ZNF678: variants seen among roughly 807,000 people sequenced by gnomAD.
The protein encoded by ZNF678 is hypothetical protein MGC42493.
In ZNF678, 5 loss-of-function variants were observed where a neutral mutation model predicts 3.0. The ratio of observed to expected loss-of-function variants is 1.69; its 90% CI spans 0.88 to 3.56. The LOEUF (loss-of-function observed/expected upper bound fraction) is 3.56. ZNF678 is among the 30% of genes most tolerant of loss of function. The pLI is 0.00. For missense variants in ZNF678, 593 were observed against 605.0 expected (o/e 0.98, Z 0.21); for synonymous variants, 218 against 199.6 (o/e 1.09, Z -0.78).
In ZNF678 at chr1:227,660,365, A is replaced by T. The variant is rs906168170; in HGVS notation, c.*4537A>T. 1 of 151,724 alleles carries T rather than the reference A, an allele frequency of 6.6e-6. No individual in the cohort carries two copies. The highest frequency in any genetic ancestry group is 1.5e-5 in the Non-Finnish European group (1 of 67,920). 9.4% of individuals were successfully genotyped at this position (151,724 alleles called of 1,614,324 possible). On this transcript the variant is annotated 3_prime_UTR_variant, in exon 4 of 4. Coordinates refer to ENST00000343776, the MANE Select transcript of ZNF678 (RefSeq NM_001367909.1). ...TTAGCAATATTAATTTGGCCAATTT[A>T]TGAATAAGGGATAACTTTTCATTTA...
chr1:227,576,946 T>C (rs1312332444), intron 1 of ZNF678, among the ~76,000 whole-genome samples: 1 of 152,208 alleles, frequency 6.6e-6, no homozygotes, highest in African/African-American at 2.4e-5. Flanking sequence ...TTATTCTCAT[T>C]AGTTTCAAAG....
chr1:227,643,519 G>A (rs575173303), intron 1 of ZNF678, among the ~76,000 whole-genome samples: 3 of 152,042 alleles, frequency 2.0e-5, no homozygotes, highest in Admixed American at 6.6e-5. Context: ...TTCCCCTCAC[G>A]CAACTGATTA....
At chr1:227,595,818 C>G (rs1657570117) in intron 1 of ZNF678, among the ~76,000 whole-genome samples, 2 of 152,170 alleles carry the variant, frequency 1.3e-5, no homozygotes, top group African/African-American at 2.4e-5. Flanking sequence ...TACAGGCACA[C>G]CGTGGGTGAT....
intron 5 of ZNF678, among the ~76,000 whole-genome samples, chr1:227,667,620 TAAAG>T (rs1164105311): frequency 4.6e-5 from 7 of 152,326 alleles, no homozygotes; most frequent in African/African-American, 7.2e-5. Flanking sequence ...CATAATTAGA[TAAAG>T]AAAGTAAGCA....
downstream of ZNF678, among the ~76,000 whole-genome samples, chr1:227,666,281 C>T (rs1434437081): frequency 6.6e-6 from 1 of 151,950 alleles, no homozygotes; most frequent in African/African-American, 2.4e-5. Flanking sequence ...AAAAGGGAGC[C>T]CAAACAGGTA....
chr1:227,655,909 T>G lies in ZNF678; in HGVS notation c.*81T>G. On this transcript the variant is annotated 3_prime_UTR_variant, in exon 4 of 4. Transcript: ENST00000343776. ...AGCATAATGACTGTTTAAGGATGTT[T>G]CACAAAATGTAAGCTTCAGAGTGCA... 7.6e-7 allele frequency: 1 copy of G among 1,311,770 alleles called. No individual in the cohort carries two copies. The highest frequency in any genetic ancestry group is 1.5e-5 in the South Asian group (1 of 65,816). The allele number at this position is 1,311,770 out of a possible 1,614,324, so 81.3% of individuals were successfully genotyped here.
intron 1 of ZNF678, among the ~76,000 whole-genome samples, chr1:227,571,936 G>T (rs1656854863): frequency 6.6e-6 from 1 of 152,206 alleles, no homozygotes; most frequent in Non-Finnish European, 1.5e-5. Context: ...CAGCTACTCA[G>T]GAGGCTGAGG....
chr1:227,674,547 TAA>T (rs1659649936), intron 5 of ZNF678, among the ~76,000 whole-genome samples: 1 of 144,352 alleles, frequency 6.9e-6, no homozygotes, highest in South Asian at 2.2e-4. Flanking sequence ...GTAAATTATT[TAA>T]GTTTATTTGG....
At chr1:227,577,650 C>T (rs947691785) in intron 1 of ZNF678, among the ~76,000 whole-genome samples, 4 of 152,118 alleles carry the variant, frequency 2.6e-5, no homozygotes, top group Admixed American at 2.6e-4. Context: ...AGATGGGTCT[C>T]TTGAAGACAG....
downstream of ZNF678, among the ~76,000 whole-genome samples, chr1:227,678,310 C>T (rs1659717024): frequency 6.6e-6 from 1 of 152,182 alleles, no homozygotes; most frequent in Admixed American, 6.5e-5. Flanking sequence ...AGGGACTACA[C>T]TGTATGTTGG....
intron 1 of ZNF678, among the ~76,000 whole-genome samples, chr1:227,600,493 G>T (rs1261559542): frequency 6.6e-6 from 1 of 152,156 alleles, no homozygotes; most frequent in African/African-American, 2.4e-5. Flanking sequence ...ATTCCAACTG[G>T]TGTGAGATGA....
At chr1:227,582,217 T>A (rs1657148293) in intron 1 of ZNF678, among the ~76,000 whole-genome samples, 1 of 152,140 alleles carries the variant, frequency 6.6e-6, no homozygotes, top group African/African-American at 2.4e-5. Context: ...TCTAGTTTTT[T>A]ATTTTCTTAA....
At chr1:227,611,769 CAGTT>C (rs1658025846) in intron 1 of ZNF678, among the ~76,000 whole-genome samples, 1 of 152,164 alleles carries the variant, frequency 6.6e-6, no homozygotes, top group African/African-American at 2.4e-5. Flanking sequence ...TCTCAAGACA[CAGTT>C]GGTTGCAGTT....
At chr1:227,671,804 TA>T (rs1194099084) in intron 5 of ZNF678, among the ~76,000 whole-genome samples, 1 of 152,218 alleles carries the variant, frequency 6.6e-6, no homozygotes, top group African/African-American at 2.4e-5. Flanking sequence ...TATGCCTCCA[TA>T]AAGGTGAATT....
intron 1 of ZNF678, among the ~76,000 whole-genome samples, chr1:227,644,029 A>C (rs1340522560): frequency 6.6e-6 from 1 of 151,738 alleles, no homozygotes; most frequent in Non-Finnish European, 1.5e-5. Flanking sequence ...ACGCCCAGCT[A>C]ATTTTTTGTA....
chr1:227,640,789 G>C lies in ZNF678; in HGVS notation c.-163-5755G>C, dbSNP rs192936768. On this transcript the variant is annotated intron_variant, in intron 1 of 3. Coordinates refer to ENST00000343776, the MANE Select transcript of ZNF678 (RefSeq NM_001367909.1). Reference sequence around the variant, plus strand: ...AGCCTAGAGGGCTGTTTTTTGGAATGGAGGACCGGGAGTTTCCCATAACGG... The same window carrying C: ...AGCCTAGAGGGCTGTTTTTTGGAATCGAGGACCGGGAGTTTCCCATAACGG... Among the ~76,000 whole-genome samples, 615 of 152,206 alleles carry C rather than the reference G, an allele frequency of 4.0e-3. 5 individuals are homozygous for C. Among genetic ancestry groups the C allele is most frequent in the African/African-American group, 0.014 (567 of 41,528 alleles).
At chr1:227,626,085 G>GCTGCTGGTAGTACAGCAGTATGGAT (rs1338539121) in intron 1 of ZNF678, among the ~76,000 whole-genome samples, 9 of 152,180 alleles carry the variant, frequency 5.9e-5, no homozygotes, top group African/African-American at 2.2e-4. Context: ...GCAGTATGGA[G>GCTGCTGGTAGTACAGCAGTATGGAT]CTACTGGTAG....
chr1:227,598,858 T>A, intron 1 of ZNF678: 1 of 625,952 alleles, frequency 1.6e-6, no homozygotes, highest in Non-Finnish European at 3.0e-6. Context: ...GATGAATACC[T>A]ACCAAATTTA....
At position 227,655,324 on chromosome 1, in the gene ZNF678, T is replaced by C. The variant is rs375279643; in HGVS notation, c.1074T>C (p.Phe358=). 339 of 1,611,060 alleles carry C rather than the reference T, an allele frequency of 2.1e-4. No individual in the cohort carries two copies. Among genetic ancestry groups the C allele is most frequent in the Non-Finnish European group, 2.8e-4 (327 of 1,178,236 alleles). The change falls in exon 4 of 4, where the codon TTT becomes TTC. Residue 358 remains phenylalanine, a synonymous_variant. Coordinates refer to ENST00000343776, the MANE Select transcript of ZNF678 (RefSeq NM_001367909.1). ...PYKCEECGRT[F]TQFSNLTQHK... is the part of the protein sequence containing the mutation. The stretch of plus-strand genomic sequence containing the variant: ...AATGTGAAGAATGTGGCAGAACCTT[T>C]ACTCAATTCTCAAACCTCACTCAGC...
Sources: allele counts gnomAD v4.1 joint callset (sites outside exome capture counted in the v4.1 genomes callset), GRCh38; gene constraint gnomAD v4.1.1; transcripts MANE v1.5; gene names NCBI Gene and HGNC (gene_info 2026-07-23, HGNC 2026-07-21).